The following NDC1 variants were observed in gnomAD, a reference collection of about 807,000 sequenced individuals.
NDC1 encodes the protein nucleoporin NDC1.
In NDC1, 24 loss-of-function variants were observed where a neutral mutation model predicts 89.8. The observed-to-expected ratio is 0.27, with a 90% CI of 0.19 to 0.38. The LOEUF is 0.38. NDC1 is among the 10% of genes least tolerant of loss of function. The pLI is 1.00. For missense variants in NDC1, 728 were observed against 797.6 expected, an observed-to-expected ratio of 0.91 and a Z score of 1.05; for synonymous variants, 296 against 284.8, an observed-to-expected ratio of 1.04 and a Z score of -0.39.
At chr1:53,790,192 C>T (rs534746141) in intron 14 of NDC1, among the ~76,000 whole-genome samples, 1 of 151,588 alleles carries the variant, frequency 6.6e-6, no homozygotes, top group East Asian at 2.0e-4. Context: ...TGGCGAAACC[C>T]TGTCTCCACT....
At chr1:53,775,847 C>T (rs1326340306) in intron 16 of NDC1, among the ~76,000 whole-genome samples, 1 of 152,064 alleles carries the variant, frequency 6.6e-6, no homozygotes, top group Non-Finnish European at 1.5e-5. Flanking sequence ...GATAAGCATA[C>T]CACATATATT....
intron 2 of NDC1, among the ~76,000 whole-genome samples, chr1:53,834,293 T>A (rs900557102): frequency 6.6e-6 from 1 of 152,218 alleles, no homozygotes; most frequent in African/African-American, 2.4e-5. Context: ...TTGAGTACTC[T>A]AAGGTTGCCA....
intron 6 of NDC1, among the ~76,000 whole-genome samples, chr1:53,816,050 TC>T (rs1443349982): frequency 9.9e-5 from 15 of 151,762 alleles, no homozygotes; most frequent in Non-Finnish European, 7.4e-5. Flanking sequence ...TTCAACACAA[TC>T]CCCATCAGAA....
At chr1:53,813,513 C>T (rs1648379516) in intron 6 of NDC1, among the ~76,000 whole-genome samples, 1 of 152,110 alleles carries the variant, frequency 6.6e-6, no homozygotes, top group Non-Finnish European at 1.5e-5. Context: ...TTTAAAGCAA[C>T]AGCAGTTAAA....
chr1:53,803,876 A>T, intron 10 of NDC1, 52 bp downstream of exon 10: 1 of 1,397,694 alleles, frequency 7.2e-7, no homozygotes, highest in Non-Finnish European at 1.0e-6. Flanking sequence ...TGGCCAAGTG[A>T]ATTACTTTCT....
intron 16 of NDC1, among the ~76,000 whole-genome samples, chr1:53,784,230 C>A (rs961276837): frequency 6.7e-6 from 1 of 148,232 alleles, no homozygotes; most frequent in South Asian, 2.1e-4. Flanking sequence ...TATCTACACA[C>A]ACACACACAC....
intron 16 of NDC1, among the ~76,000 whole-genome samples, chr1:53,781,026 A>T (rs189880104): frequency 6.6e-5 from 10 of 151,954 alleles, no homozygotes; most frequent in Non-Finnish European, 1.5e-4. Context: ...GCAAATTTTT[A>T]AAAATTTTTT....
At chr1:53,780,229 C>A (rs1252289202) in intron 16 of NDC1, among the ~76,000 whole-genome samples, 1 of 152,112 alleles carries the variant, frequency 6.6e-6, no homozygotes, top group Non-Finnish European at 1.5e-5. Context: ...TCCGCCACCA[C>A]CCCCGGCTAA....
chr1:53,783,542 T>C (rs896584588), intron 16 of NDC1, among the ~76,000 whole-genome samples: 8 of 152,170 alleles, frequency 5.3e-5, no homozygotes, highest in Admixed American at 2.0e-4. Flanking sequence ...CCAACTCCCC[T>C]GTTTCTAAGT....
Position 53,804,025 on chromosome 1 carries a change from A to C in NDC1, c.985-16T>G. 6.3e-7 allele frequency: 1 copy of C among 1,587,178 alleles called. No homozygotes were observed. The highest frequency in any genetic ancestry group is 1.1e-5 in the South Asian group (1 of 89,814). On this transcript the variant is annotated splice_polypyrimidine_tract_variant and intron_variant, in intron 9 of 17. Coordinates refer to ENST00000371429, the MANE Select transcript of NDC1 (RefSeq NM_018087.5). ...AGGCTAAATACTAACAGGGGGAAAA[A>C]ACACATATTATTTAATTTTTTTTAA... is the stretch of plus-strand genomic sequence containing the variant.
chr1:53,792,346 A>C (rs1647546466), intron 14 of NDC1, among the ~76,000 whole-genome samples: 1 of 152,094 alleles, frequency 6.6e-6, no homozygotes, highest in Non-Finnish European at 1.5e-5. Context: ...ACCAGGGTGG[A>C]TTATTTTTTG....
At chr1:53,768,728 C>A (rs987309194) in intron 17 of NDC1, among the ~76,000 whole-genome samples, 1 of 152,102 alleles carries the variant, frequency 6.6e-6, no homozygotes, top group Admixed American at 6.6e-5. Flanking sequence ...AGTGCCAAAA[C>A]GGTCTTATTT....
rs929908447 is a variant in NDC1 at position 53,832,692 on chromosome 1, T to C, written c.179-101A>G. On this transcript the variant is annotated intron_variant, in intron 2 of 17. Transcript: ENST00000371429. ...GAGCTTGAACCACAATTGTCATTAA[T>C]TTTAAAGGTTATCTTTTCTTCAAGA... 8 of 627,802 alleles carry C rather than the reference T, an allele frequency of 1.3e-5. No individual in the cohort carries two copies. The Admixed American group carries it at 2.1e-4, about 16-fold the overall frequency. 38.9% of individuals were successfully genotyped at this position (627,802 alleles called of 1,614,324 possible). A position where few individuals can be genotyped will look rare whatever the true frequency, so the allele number is the denominator to read the frequency against.
At chr1:53,798,216 T>A (rs1647790448) in intron 11 of NDC1, among the ~76,000 whole-genome samples, 1 of 149,102 alleles carries the variant, frequency 6.7e-6, no homozygotes, top group Admixed American at 6.7e-5. Context: ...GTGGCCAGGC[T>A]GGAGTGCTAT....
At chr1:53,816,735 T>C (rs141464576) in intron 6 of NDC1, among the ~76,000 whole-genome samples, 157 of 150,614 alleles carry the variant, frequency 1.0e-3, no homozygotes, top group African/African-American at 3.7e-3. Context: ...GACTAATATC[T>C]GGAATCTACA....
chr1:53,814,533 C>T (rs1648416420), intron 6 of NDC1, among the ~76,000 whole-genome samples: 1 of 151,886 alleles, frequency 6.6e-6, no homozygotes, highest in Non-Finnish European at 1.5e-5. Context: ...GGTCACACCT[C>T]AAGGAACTAG....
chr1:53,793,737 A>T (rs559875529), intron 13 of NDC1, among the ~76,000 whole-genome samples: 9 of 152,108 alleles, frequency 5.9e-5, no homozygotes, highest in African/African-American at 2.2e-4. Flanking sequence ...GAATACAGGC[A>T]CACCACCATG....
At chr1:53,776,288 A>G (rs1048002724) in intron 16 of NDC1, among the ~76,000 whole-genome samples, 3 of 152,124 alleles carry the variant, frequency 2.0e-5, no homozygotes, top group African/African-American at 7.2e-5. Context: ...CAATTTCACC[A>G]TCATCATTAA....
intron 5 of NDC1, among the ~76,000 whole-genome samples, chr1:53,824,332 G>A (rs981212477): frequency 6.6e-6 from 1 of 152,084 alleles, no homozygotes; most frequent in African/African-American, 2.4e-5. Context: ...AAAGTCCTGG[G>A]CTTAAGAAAT....
Sources: gnomAD v4.1 joint callset for allele counts (sites outside exome capture counted in the v4.1 genomes callset) on GRCh38, gnomAD v4.1.1 for gene constraint, MANE v1.5 for transcripts, NCBI Gene and HGNC (gene_info 2026-07-23, HGNC 2026-07-21) for gene names.